Variants in TNMD observed in about 807,000 individuals in gnomAD.
TNMD encodes BRICHOS domain containing 4.
In TNMD, 15 loss-of-function variants were observed where a neutral mutation model predicts 26.9. The observed-to-expected ratio is 0.56, with a 90% CI of 0.37 to 0.86. The LOEUF is 0.86. Among genes scored for constraint, TNMD ranks in the 40% least tolerant of loss-of-function variants. The pLI, the probability that TNMD is intolerant of heterozygous loss-of-function variation, is 0.00. For synonymous variants in TNMD, 73 were observed against 77.0 expected (o/e 0.95, Z 0.27); for missense variants, 222 against 242.6 (o/e 0.92, Z 0.56).
At chrX:100,592,507 T>A (rs183430081) in intron 2 of TNMD, among the ~76,000 whole-genome samples, 1 of 111,974 alleles carries the variant, frequency 8.9e-6, no homozygotes, top group Non-Finnish European at 1.9e-5. Flanking sequence ...GGATGTGCCA[T>A]TGGTGGGGAC....
chrX:100,594,980 G>A (rs1259864961), intron 4 of TNMD, among the ~76,000 whole-genome samples: 1 of 112,016 alleles, frequency 8.9e-6, no homozygotes, highest in Non-Finnish European at 1.9e-5. Context: ...AGGCAACCTA[G>A]GGTGCTGGTG....
At chrX:100,597,367 AC>A (rs1368442332) in intron 4 of TNMD, 136 bp from the exon 5 acceptor site, 20 of 716,930 alleles carry the variant, frequency 2.8e-5, no homozygotes, top group Non-Finnish European at 3.9e-5. Flanking sequence ...AATGCAAGGC[AC>A]AGAGCTAGTT....
chrX:100,595,737 C>T (rs1251923766), intron 4 of TNMD, among the ~76,000 whole-genome samples: 3 of 110,656 alleles, frequency 2.7e-5, no homozygotes, highest in African/African-American at 6.6e-5. Flanking sequence ...AAAAAAAGAA[C>T]GTTCTCCCAA....
intron 2 of TNMD, among the ~76,000 whole-genome samples, chrX:100,587,360 T>C (rs2147604921): frequency 8.9e-6 from 1 of 111,946 alleles, no homozygotes; most frequent in South Asian, 3.8e-4. Flanking sequence ...ACAGAAGAGG[T>C]GGGATATGCT....
intron 4 of TNMD, among the ~76,000 whole-genome samples, chrX:100,595,443 A>G (rs952536421): frequency 1.1e-5 from 1 of 94,559 alleles, no homozygotes; most frequent in Non-Finnish European, 2.1e-5. Context: ...TATAAACTAT[A>G]AAAACCTCTT....
intron 4 of TNMD, among the ~76,000 whole-genome samples, chrX:100,596,298 C>T (rs1327099295): frequency 8.9e-6 from 1 of 112,215 alleles, no homozygotes; most frequent in Non-Finnish European, 1.9e-5. Context: ...TGCGCCACTG[C>T]ACTCCAGCCT....
At chrX:100,587,140 T>G (rs1289360060) in intron 2 of TNMD, among the ~76,000 whole-genome samples, 1 of 112,486 alleles carries the variant, frequency 8.9e-6, no homozygotes, top group Non-Finnish European at 1.9e-5. Flanking sequence ...TTTTATAAAT[T>G]TACAGTGCTA....
intron 2 of TNMD, among the ~76,000 whole-genome samples, chrX:100,591,170 T>A (rs754389382): frequency 1.7e-4 from 19 of 110,996 alleles, no homozygotes; most frequent in African/African-American, 6.2e-4. Flanking sequence ...CACCAAAAAT[T>A]AACTCTCTCT....
chrX:100,599,458 C>T (rs1602691271), intron 6 of TNMD, 50 bp from the exon 7 acceptor site: 4 of 1,080,222 alleles, frequency 3.7e-6, no homozygotes, highest in Non-Finnish European at 5.1e-6. Context: ...AGAACTCTTG[C>T]TAGTGAACCT....
chrX:100,598,579 C>T (rs1042282240), intron 5 of TNMD, among the ~76,000 whole-genome samples: 3 of 111,298 alleles, frequency 2.7e-5, no homozygotes, highest in Non-Finnish European at 3.8e-5. Context: ...TTCCATAAAT[C>T]TAAGATTATT....
chrX:100,592,171 C>A (rs967730161), intron 2 of TNMD, among the ~76,000 whole-genome samples: 7 of 111,791 alleles, frequency 6.3e-5, no homozygotes, highest in Non-Finnish European at 1.3e-4. Context: ...TAACAAAATT[C>A]CCCCGTTGGG....
At chrX:100,594,153 C>A in intron 3 of TNMD, 108 bp from the exon 4 acceptor site, 2 of 960,611 alleles carry the variant, frequency 2.1e-6, no homozygotes, top group South Asian at 2.7e-5. Context: ...CCTCCTCTAG[C>A]TTTCCATTTG....
intron 2 of TNMD, among the ~76,000 whole-genome samples, chrX:100,589,204 T>A (rs2082930321): frequency 9.0e-6 from 1 of 110,860 alleles, no homozygotes; most frequent in African/African-American, 3.3e-5. Flanking sequence ...ACAACTTTTT[T>A]CTCCAGGTCC....
chrX:100,584,980 C>G lies in TNMD; in HGVS notation c.-39C>G. ...CCACCTCAGCAGTGGTCTCTCAGTC[C>G]TCTCAAAGCAAGGAAAGAGTACTGT... is the stretch of plus-strand genomic sequence containing the variant. On this transcript the variant is annotated 5_prime_UTR_variant, in exon 1 of 7. Transcript: ENST00000373031. 1 of 1,185,562 alleles carries G rather than the reference C, an allele frequency of 8.4e-7. No homozygotes were observed. The highest frequency in any genetic ancestry group is 1.9e-5 in the South Asian group (1 of 52,666).
chrX:100,599,849 C>T lies in TNMD; in HGVS notation c.*132C>T, dbSNP rs2082963990. The stretch of plus-strand genomic sequence containing the variant: ...CCAGAATTACTTGTAGGTAATTCCT[C>T]TCTTCATGTTCTAATAAACTTCTAC... On this transcript the variant is annotated 3_prime_UTR_variant, in exon 7 of 7. Coordinates refer to ENST00000373031, the MANE Select transcript of TNMD (RefSeq NM_022144.3). 7.4e-6 allele frequency: 4 copies of T among 539,422 alleles called. No homozygotes were observed. Among genetic ancestry groups the T allele is most frequent in the Non-Finnish European group, 1.2e-5 (4 of 331,062 alleles). The allele number at this position is 539,422 out of a possible 1,213,427, so 44.5% of individuals were successfully genotyped here. A position where few individuals can be genotyped will look rare whatever the true frequency, so the allele number is the denominator to read the frequency against.
Position 100,585,306 on chromosome X carries a change from A to G in TNMD, c.124A>G (p.Thr42Ala), listed in dbSNP as rs143393007. Residue 42 changes from threonine (T) to alanine (A), a missense_variant, in exon 2 of 7, where the codon ACT becomes GCT. Thr to Ala is a moderately conservative substitution (Grantham distance 58). Transcript: ENST00000373031. ...ACTGGTGTTTGGTATCCTGGCCCTAACTCTAATTGTCCTGTTTTGGGGGAG... is the reference window on the plus strand; with the variant it reads ...ACTGGTGTTTGGTATCCTGGCCCTAGCTCTAATTGTCCTGTTTTGGGGGAG... The part of the protein sequence containing the change: ...CGLVFGILAL[T>A]LIVLFWGSKH... 152 of 1,208,984 alleles carry G rather than the reference A, an allele frequency of 1.3e-4. No homozygotes were observed. The African/African-American group carries it at 2.6e-3, about 21-fold the overall frequency.
intron 4 of TNMD, among the ~76,000 whole-genome samples, chrX:100,597,145 T>G (rs1254317892): frequency 8.9e-6 from 1 of 112,200 alleles, no homozygotes; most frequent in Non-Finnish European, 1.9e-5. Flanking sequence ...TAAAATGTAT[T>G]TATAAAAAAG....
chrX:100,595,298 T>C (rs895162317), intron 4 of TNMD, among the ~76,000 whole-genome samples: 4 of 110,950 alleles, frequency 3.6e-5, no homozygotes, highest in Non-Finnish European at 5.7e-5. Context: ...CTTTGTATTT[T>C]TAGTAGAGAC....
intron 3 of TNMD, 41 bp downstream of exon 3, chrX:100,594,076 T>C: frequency 8.6e-7 from 1 of 1,164,401 alleles, no homozygotes; most frequent in Non-Finnish European, 1.2e-6. Context: ...CCACTTAAAA[T>C]ATTAGAGCAG....
Sources: gnomAD v4.1 joint callset for allele counts (sites outside exome capture counted in the v4.1 genomes callset) on GRCh38, gnomAD v4.1.1 for gene constraint, MANE v1.5 for transcripts, NCBI Gene and HGNC (gene_info 2026-07-23, HGNC 2026-07-21) for gene names.